CFAP77: variants seen among roughly 807,000 people sequenced by gnomAD.
The protein encoded by CFAP77 is cilia and flagella associated protein 77.
Under a neutral mutation model 31.1 loss-of-function variants are expected in CFAP77, and 25 were observed. That is an observed-to-expected ratio of 0.80 (90% CI 0.59 to 1.12). The LOEUF is 1.12. Ranked by LOEUF, CFAP77 falls within the 50% of genes most tolerant of loss-of-function variation. The pLI is 0.00. For synonymous variants in CFAP77, 151 were observed against 159.9 expected (o/e 0.94, Z 0.42); for missense variants, 377 against 397.3 (o/e 0.95, Z 0.44).
chr9:132,486,956 C>G (rs983487275), intron 1 of CFAP77, among the ~76,000 whole-genome samples: 2 of 152,200 alleles, frequency 1.3e-5, no homozygotes, highest in African/African-American at 4.8e-5. Context: ...CGGGCTGCCC[C>G]GGGGAGCGGG....
chr9:132,464,230 G>A (rs1589865952), intron 1 of CFAP77, among the ~76,000 whole-genome samples: 1 of 152,158 alleles, frequency 6.6e-6, no homozygotes, highest in Non-Finnish European at 1.5e-5. Flanking sequence ...TGACAGCCCT[G>A]ATAACTGAGT....
intron 1 of CFAP77, among the ~76,000 whole-genome samples, chr9:132,482,895 A>G (rs1350464556): frequency 6.6e-6 from 1 of 151,104 alleles, no homozygotes; most frequent in East Asian, 1.9e-4. Context: ...TGGCACATGT[A>G]TACATATGTA....
intron 3 of CFAP77, among the ~76,000 whole-genome samples, chr9:132,518,098 C>T (rs776297665): frequency 9.9e-5 from 15 of 152,234 alleles, no homozygotes; most frequent in Middle Eastern, 3.4e-3. Context: ...CCTGTCATCA[C>T]GACACAGGCT....
rs1014614556 is a variant in CFAP77 at position 132,497,215 on chromosome 9, G to A, written c.196-1480G>A. Among the ~76,000 whole-genome samples the A allele has an allele frequency of 6.6e-6, 1 of 152,186 alleles. No homozygotes were observed. The highest frequency in any genetic ancestry group is 1.9e-4 in the East Asian group (1 of 5,196). ...GGTTGGAGGGTGCAGGGCCTGGACTGCCAGCAGAGGGAAGGGTTTATTTCA... is the reference window on the plus strand; with the variant it reads ...GGTTGGAGGGTGCAGGGCCTGGACTACCAGCAGAGGGAAGGGTTTATTTCA... On this transcript the variant is annotated intron_variant, in intron 1 of 5. Transcript: ENST00000393216. This position sits in a 1 kb window ranked among gnomAD's most constrained non-coding sequence, Gnocchi z 4.9.
intron 1 of CFAP77, among the ~76,000 whole-genome samples, chr9:132,415,502 G>C (rs1850080876): frequency 6.6e-6 from 1 of 152,130 alleles, no homozygotes; most frequent in Non-Finnish European, 1.5e-5. Context: ...GTGTGCTTTG[G>C]CTTTGAAGCG....
intron 5 of CFAP77, among the ~76,000 whole-genome samples, chr9:132,571,121 C>T (rs1271560178): frequency 1.3e-5 from 2 of 152,122 alleles, no homozygotes; most frequent in Non-Finnish European, 2.9e-5. Flanking sequence ...CTAACCACTC[C>T]GGGGTGGTCA....
At chr9:132,460,025 C>A (rs1391519456) in intron 1 of CFAP77, among the ~76,000 whole-genome samples, 7 of 152,128 alleles carry the variant, frequency 4.6e-5, no homozygotes, top group Admixed American at 3.3e-4. Flanking sequence ...GGTCTTCATG[C>A]ATCCTTCCAT....
At chr9:132,540,917 C>G (rs1852629337) in intron 4 of CFAP77, among the ~76,000 whole-genome samples, 1 of 152,114 alleles carries the variant, frequency 6.6e-6, no homozygotes, top group Non-Finnish European at 1.5e-5. Flanking sequence ...TTGTGAACCC[C>G]ATCACTTAGC....
intron 1 of CFAP77, among the ~76,000 whole-genome samples, chr9:132,414,207 T>C (rs1285124682): frequency 6.6e-6 from 1 of 152,236 alleles, no homozygotes; most frequent in Non-Finnish European, 1.5e-5. Context: ...TCATTCAATG[T>C]TCCTTCCAAA....
intron 5 of CFAP77, among the ~76,000 whole-genome samples, chr9:132,547,931 C>T (rs931206941): frequency 2.0e-5 from 3 of 152,152 alleles, no homozygotes; most frequent in Non-Finnish European, 4.4e-5. Flanking sequence ...GCGCTTCCTC[C>T]GGTTCTCAAC....
At position 132,490,063 on chromosome 9, in the gene CFAP77, A is replaced by G. The variant is rs558799519; in HGVS notation, c.196-8632A>G. 3.5e-4 allele frequency among the ~76,000 whole-genome samples: 53 copies of G among 152,178 alleles called. No homozygotes were observed. Among genetic ancestry groups the G allele is most frequent in the African/African-American group, 1.3e-3 (53 of 41,534 alleles). On this transcript the variant is annotated intron_variant, in intron 1 of 5. Transcript: ENST00000393216. The surrounding 1 kb of genome is among the most constrained non-coding windows in gnomAD (Gnocchi z 4.6). Reference sequence around the variant, plus strand: ...TGAGAGCCTAGTCTTTGCTTCCAAGATGGTGCCTTGGTGCTGTATCCCCCA... The same window carrying G: ...TGAGAGCCTAGTCTTTGCTTCCAAGGTGGTGCCTTGGTGCTGTATCCCCCA...
chr9:132,482,041 T>TG (rs1589876907), intron 1 of CFAP77, among the ~76,000 whole-genome samples: 1 of 148,064 alleles, frequency 6.8e-6, no homozygotes, highest in East Asian at 2.3e-4. Context: ...ATAAAGAAAA[T>TG]GAAAACATAA....
At position 132,441,115 on chromosome 9, in the gene CFAP77, A is replaced by G. The variant is rs143421285; in HGVS notation, c.195+30649A>G. 3.4e-3 allele frequency among the ~76,000 whole-genome samples: 522 copies of G among 152,298 alleles called. 2 individuals are homozygous for G. The highest frequency in any genetic ancestry group is 0.011 in the African/African-American group (475 of 41,542). On this transcript the variant is annotated intron_variant, in intron 1 of 5. Coordinates refer to ENST00000393216, the MANE Select transcript of CFAP77 (RefSeq NM_001282957.2). The stretch of plus-strand genomic sequence containing the variant: ...ATCCTAAACACACAATACCAGGGTC[A>G]GTGGGACCCGCAGCCTTTGTTTTCA...
chr9:132,536,113 G>A (rs1184135115), intron 3 of CFAP77, among the ~76,000 whole-genome samples: 1 of 151,998 alleles, frequency 6.6e-6, no homozygotes, highest in African/African-American at 2.4e-5. Context: ...ATATATGGGG[G>A]CATCCTATGG....
chr9:132,476,454 C>T (rs116742874), intron 1 of CFAP77, among the ~76,000 whole-genome samples: 153 of 152,170 alleles, frequency 1.0e-3, no homozygotes, highest in African/African-American at 3.4e-3. Flanking sequence ...TAGGGGCACA[C>T]AGGTGGTGTC....
At chr9:132,417,448 G>T (rs571648149) in intron 1 of CFAP77, among the ~76,000 whole-genome samples, 1 of 152,128 alleles carries the variant, frequency 6.6e-6, no homozygotes, top group African/African-American at 2.4e-5. Flanking sequence ...AAAAGATATC[G>T]AAATAGGTTG....
rs374673745 is a variant in CFAP77, at chr9:132,564,891, G to A, written c.733-7497G>A. ...TTCAGGGACTGCGGTGCTGAGGAAG[G>A]GGCCTGCTGTCTGGCGGCTGGTCTC... On this transcript the variant is annotated intron_variant, in intron 5 of 5. Transcript: ENST00000393216. This position sits in a 1 kb window ranked among gnomAD's most constrained non-coding sequence, Gnocchi z 4.6. Among the ~76,000 whole-genome samples the A allele has an allele frequency of 1.4e-3, 217 of 152,280 alleles. 1 individual carries two copies. The highest frequency in any genetic ancestry group is 5.1e-3 in the African/African-American group (212 of 41,548).
rs565145904 is a variant in CFAP77 at position 132,525,984 on chromosome 9, C to T, written c.525-11617C>T. Among the ~76,000 whole-genome samples, 3 of 152,272 alleles carry T rather than the reference C, an allele frequency of 2.0e-5. No individual in the cohort carries two copies. In the East Asian group the frequency reaches 5.8e-4, roughly 29 times the overall value. ...CTATAGCTTGTCTTTTCATCCTCTC[C>T]TTTTCATTCATTCATTGAAGGATGT... On this transcript the variant is annotated intron_variant, in intron 3 of 5. Coordinates refer to ENST00000393216, the MANE Select transcript of CFAP77 (RefSeq NM_001282957.2).
intron 1 of CFAP77, among the ~76,000 whole-genome samples, chr9:132,422,684 AGG>A (rs1850239390): frequency 6.6e-6 from 1 of 152,162 alleles, no homozygotes; most frequent in Non-Finnish European, 1.5e-5. Context: ...AGGAAGTCAG[AGG>A]CCAGGGACAC....
Sources: gnomAD v4.1 joint callset for allele counts (sites outside exome capture counted in the v4.1 genomes callset) on GRCh38, gnomAD v4.1.1 for gene constraint, Gnocchi (gnomAD v3.1) non-coding constraint, MANE v1.5 for transcripts, NCBI Gene and HGNC (gene_info 2026-07-23, HGNC 2026-07-21) for gene names.